Variants in PLCG2 observed in about 807,000 individuals in gnomAD.
PLCG2 encodes the protein phospholipase C gamma 2, also known as 1-phosphatidylinositol 4,5-bisphosphate phosphodiesterase gamma-2.
Under a neutral mutation model 175.6 loss-of-function variants are expected in PLCG2, and 69 were observed. The observed-to-expected ratio is 0.39, with a 90% CI of 0.32 to 0.48. The LOEUF is 0.48. Among genes scored for constraint, PLCG2 ranks in the 20% least tolerant of loss-of-function variants. The pLI is 0.91. For missense variants in PLCG2, 1,798 were observed against 1,650.9 expected (o/e 1.09, Z -1.54); for synonymous variants, 827 against 624.0 (o/e 1.33, Z -4.85).
At chr16:81,803,618 T>C (rs887306510) in intron 2 of PLCG2, among the ~76,000 whole-genome samples, 4 of 146,254 alleles carry the variant, frequency 2.7e-5, no homozygotes, top group African/African-American at 1.0e-4. Context: ...TCTTTTCTTT[T>C]CCTTTCTTTT....
intron 2 of PLCG2, among the ~76,000 whole-genome samples, chr16:81,819,796 G>T (rs548070433): frequency 1.2e-3 from 189 of 152,258 alleles, no homozygotes; most frequent in African/African-American, 4.2e-3. Context: ...ATGTTGGCCA[G>T]GCTGGTCTCG....
chr16:81,948,802 A>G (rs569690277), intron 31 of PLCG2, among the ~76,000 whole-genome samples: 1 of 152,316 alleles, frequency 6.6e-6, no homozygotes, highest in African/African-American at 2.4e-5. Flanking sequence ...CCATGACCCA[A>G]GAGTGTGACA....
intron 20 of PLCG2, among the ~76,000 whole-genome samples, chr16:81,920,790 C>T (rs1399043760): frequency 6.6e-6 from 1 of 152,138 alleles, no homozygotes; most frequent in Non-Finnish European, 1.5e-5. Context: ...TTGCCAGTTT[C>T]CATGGTGTAA....
intron 2 of PLCG2, among the ~76,000 whole-genome samples, chr16:81,769,557 G>C (rs1379276499): frequency 6.6e-6 from 1 of 152,134 alleles, no homozygotes; most frequent in Non-Finnish European, 1.5e-5. Flanking sequence ...GCTCACGCCT[G>C]TAATCCCAGC....
At chr16:81,943,117 C>T (rs1422243612) in intron 30 of PLCG2, among the ~76,000 whole-genome samples, 2 of 151,992 alleles carry the variant, frequency 1.3e-5, no homozygotes, top group Non-Finnish European at 2.9e-5. Flanking sequence ...TACCTGATAG[C>T]CTCCCGGAAT....
intron 1 of PLCG2, among the ~76,000 whole-genome samples, chr16:81,749,667 T>C (rs111958605): frequency 6.6e-6 from 1 of 152,222 alleles, no homozygotes; most frequent in African/African-American, 2.4e-5. Flanking sequence ...ATTAAATAAA[T>C]TTAAAGAAAT....
intron 1 of PLCG2, among the ~76,000 whole-genome samples, chr16:81,782,847 C>A (rs79074012): frequency 1.3e-5 from 2 of 152,298 alleles, no homozygotes; most frequent in Admixed American, 6.5e-5. Context: ...TTACACCCAC[C>A]CTGCAGCATC....
chr16:81,824,086 GTCCTGTCCTT>G (rs1904936795), intron 2 of PLCG2, among the ~76,000 whole-genome samples: 1 of 79,058 alleles, frequency 1.3e-5, no homozygotes, highest in Admixed American at 1.6e-4. Context: ...GTCCTGTCCT[GTCCTGTCCTT>G]TCCTTTCTTT....
At chr16:81,791,136 C>G (rs1911212766) in intron 2 of PLCG2, among the ~76,000 whole-genome samples, 1 of 152,006 alleles carries the variant, frequency 6.6e-6, no homozygotes, top group Admixed American at 6.6e-5. Flanking sequence ...GGATGGAGTC[C>G]CAGCTTGCAA....
At chr16:81,912,503 G>A (rs1208078886) in intron 18 of PLCG2, 94 bp from the exon 19 acceptor site, 1 of 1,455,068 alleles carries the variant, frequency 6.9e-7, no homozygotes, top group Non-Finnish European at 9.3e-7. Flanking sequence ...CAGGTTCCAG[G>A]TGTCACTGGT....
intron 2 of PLCG2, among the ~76,000 whole-genome samples, chr16:81,810,210 C>G (rs1904305537): frequency 6.6e-6 from 1 of 152,138 alleles, no homozygotes; most frequent in African/African-American, 2.4e-5. Flanking sequence ...AGGATGGTTT[C>G]TATCTCTTGA....
intron 14 of PLCG2, 132 bp from the exon 15 acceptor site, chr16:81,905,271 A>G: frequency 1.5e-6 from 1 of 665,902 alleles, no homozygotes; most frequent in Non-Finnish European, 2.7e-6. Context: ...TGAACAGACT[A>G]AGAGGGAAGC....
chr16:81,932,589 C>T (rs1318999636), intron 25 of PLCG2, among the ~76,000 whole-genome samples: 3 of 152,226 alleles, frequency 2.0e-5, no homozygotes, highest in African/African-American at 7.2e-5. Flanking sequence ...CCAAGATAGT[C>T]ACCCACCAGT....
chr16:81,843,655 C>G (rs1215613729), intron 2 of PLCG2, among the ~76,000 whole-genome samples: 1 of 152,200 alleles, frequency 6.6e-6, no homozygotes, highest in Non-Finnish European at 1.5e-5. Flanking sequence ...ACATAGGATA[C>G]TATACAGTAA....
At chr16:81,951,994 A>G (rs890584348) in intron 31 of PLCG2, among the ~76,000 whole-genome samples, 2 of 152,130 alleles carry the variant, frequency 1.3e-5, no homozygotes, top group Non-Finnish European at 2.9e-5. Context: ...ATTGAACGTA[A>G]CCACTTCTGT....
chr16:81,774,644 C>T (rs1374996167), upstream of PLCG2, among the ~76,000 whole-genome samples: 1 of 151,982 alleles, frequency 6.6e-6, no homozygotes, highest in Non-Finnish European at 1.5e-5. Context: ...TGGCGAGGTT[C>T]CCTGGGGCAG....
chr16:81,884,088 C>A (rs567174150), intron 9 of PLCG2, among the ~76,000 whole-genome samples: 1 of 152,250 alleles, frequency 6.6e-6, no homozygotes, highest in Non-Finnish European at 1.5e-5. Context: ...GGGTGGCTCA[C>A]GCCTATAATC....
At chr16:81,922,962 G>A (rs1910117663) in intron 21 of PLCG2, among the ~76,000 whole-genome samples, 1 of 152,190 alleles carries the variant, frequency 6.6e-6, no homozygotes, top group East Asian at 1.9e-4. Context: ...TCAGGGTCCT[G>A]CAGGAGTGTA....
chr16:81,784,659 G>A (rs1054997066), intron 1 of PLCG2, among the ~76,000 whole-genome samples: 9 of 152,202 alleles, frequency 5.9e-5, no homozygotes, highest in Admixed American at 2.6e-4. Flanking sequence ...CTTAATCTAA[G>A]GAGTGCTGAC....
Sources: gnomAD v4.1 joint callset for allele counts (sites outside exome capture counted in the v4.1 genomes callset) on GRCh38, gnomAD v4.1.1 for gene constraint, MANE v1.5 for transcripts, NCBI Gene and HGNC (gene_info 2026-07-23, HGNC 2026-07-21) for gene names.